Variants in HDAC9 observed in about 807,000 individuals in gnomAD.
The protein encoded by HDAC9 is histone deacetylase 9.
HDAC9 carries 41 observed loss-of-function variants against 139.4 expected under a neutral mutation model. The ratio of observed to expected loss-of-function variants is 0.29; its 90% CI spans 0.23 to 0.38. The LOEUF (loss-of-function observed/expected upper bound fraction) is 0.38. Ranked by LOEUF, HDAC9 falls within the 10% of genes least tolerant of loss-of-function variation. HDAC9 has a pLI of 1.00. For missense variants in HDAC9, 1,147 were observed against 1,297.0 expected (o/e 0.88, Z 1.78); for synonymous variants, 517 against 476.2 (o/e 1.09, Z -1.12).
chr7:18,877,483 C>T (rs916132003), intron 22 of HDAC9, among the ~76,000 whole-genome samples: 8 of 152,084 alleles, frequency 5.3e-5, no homozygotes, highest in East Asian at 1.9e-4. Context: ...TTCTTCTCCC[C>T]GTGTTTTCCA....
At position 18,717,493 on chromosome 7, in the gene HDAC9, G is replaced by A. The variant is rs553136975; in HGVS notation, c.1732-10087G>A. ...GTTGCCCAGGCTGGAGTACAGTGGC[G>A]CGATCTCAGCTCACTGCAACCTCCG... On this transcript the variant is annotated intron_variant, in intron 12 of 25. Transcript: ENST00000686413. Among the ~76,000 whole-genome samples the A allele has an allele frequency of 2.0e-5, 3 of 149,212 alleles. No individual in the cohort carries two copies. The East Asian group carries it at 5.9e-4, about 29-fold the overall frequency.
chr7:18,096,747 T>C (rs1782528295), intron 1 of HDAC9, among the ~76,000 whole-genome samples: 1 of 152,234 alleles, frequency 6.6e-6, no homozygotes, highest in Non-Finnish European at 1.5e-5. Flanking sequence ...TATATTGTTA[T>C]TTCCTATTGC....
At chr7:18,511,203 T>C (rs1801401787) in intron 2 of HDAC9, among the ~76,000 whole-genome samples, 1 of 152,164 alleles carries the variant, frequency 6.6e-6, no homozygotes. Context: ...AACCTAACTT[T>C]TATATTGTAA....
intron 1 of HDAC9, among the ~76,000 whole-genome samples, chr7:18,434,763 G>GA: frequency 6.6e-6 from 1 of 152,222 alleles, no homozygotes; most frequent in Admixed American, 6.5e-5. Context: ...AGACTGTGGA[G>GA]AAAAAGGAAC....
At chr7:18,687,359 A>G (rs1477346313) in intron 12 of HDAC9, among the ~76,000 whole-genome samples, 4 of 151,826 alleles carry the variant, frequency 2.6e-5, no homozygotes, top group African/African-American at 4.8e-5. Context: ...TTGCAAAACC[A>G]CAAACTAGTT....
upstream of HDAC9, among the ~76,000 whole-genome samples, chr7:18,286,356 G>A (rs560271519): frequency 6.7e-6 from 1 of 150,174 alleles, no homozygotes; most frequent in South Asian, 2.1e-4. Context: ...TTTCTAAATT[G>A]TGAAAATTCA....
chr7:18,284,719 G>A (rs1267747186), intron 2 of HDAC9, among the ~76,000 whole-genome samples: 2 of 152,052 alleles, frequency 1.3e-5, no homozygotes, highest in African/African-American at 2.4e-5. Flanking sequence ...GTTGTTGTGA[G>A]AACTAAAAGA....
At chr7:18,326,621 A>G (rs1192649915) in intron 1 of HDAC9, among the ~76,000 whole-genome samples, 5 of 152,038 alleles carry the variant, frequency 3.3e-5, no homozygotes, top group African/African-American at 1.2e-4. Context: ...TACATGCTCC[A>G]TCTATAACTG....
intron 17 of HDAC9, among the ~76,000 whole-genome samples, chr7:18,816,708 T>TATTC (rs140812185): frequency 0.015 from 2,252 of 152,296 alleles, 52 homozygotes; most frequent in African/African-American, 0.05. Context: ...GGGAAGGCAG[T>TATTC]ATTCATTCAT....
At chr7:18,426,931 C>T (rs1432198919) in intron 1 of HDAC9, among the ~76,000 whole-genome samples, 4 of 152,164 alleles carry the variant, frequency 2.6e-5, no homozygotes, top group Non-Finnish European at 5.9e-5. Flanking sequence ...TTAACAATAG[C>T]ACTTTCAGGG....
intron 25 of HDAC9, among the ~76,000 whole-genome samples, chr7:18,988,579 C>T (rs1284177217): frequency 6.6e-6 from 1 of 152,050 alleles, no homozygotes; most frequent in African/African-American, 2.4e-5. Context: ...TCTATCAGGT[C>T]CGCTTGGTGC....
intron 12 of HDAC9, among the ~76,000 whole-genome samples, chr7:18,686,084 C>G (rs1038115980): frequency 6.6e-6 from 1 of 151,940 alleles, no homozygotes; most frequent in African/African-American, 2.4e-5. Context: ...AGCTCAGATT[C>G]CATCCCTGAT....
chr7:18,460,788 CA>C (rs750144894), intron 1 of HDAC9, among the ~76,000 whole-genome samples: 609 of 45,328 alleles, frequency 0.013, 1 homozygote, highest in Middle Eastern at 0.031. Context: ...AACTCTGTCT[CA>C]AAAAAAAAAA....
intron 2 of HDAC9, chr7:18,509,234 A>G (rs1479335794): frequency 6.1e-6 from 6 of 981,774 alleles, no homozygotes; most frequent in Middle Eastern, 1.0e-3. Flanking sequence ...TCAAAGCACA[A>G]TTAGAATAGA....
intron 12 of HDAC9, among the ~76,000 whole-genome samples, chr7:18,680,311 G>A (rs1781804996): frequency 6.6e-6 from 1 of 151,904 alleles, no homozygotes; most frequent in Middle Eastern, 3.2e-3. Context: ...TGCGTAATGA[G>A]GAGGAAGAAA....
chr7:18,640,409 A>G (rs1026052554), intron 8 of HDAC9, among the ~76,000 whole-genome samples: 4 of 150,900 alleles, frequency 2.7e-5, no homozygotes, highest in Non-Finnish European at 5.9e-5. Context: ...AATTATTTAC[A>G]TAACTAGTAT....
At chr7:18,434,814 T>C (rs1300318752) in intron 1 of HDAC9, among the ~76,000 whole-genome samples, 1 of 152,098 alleles carries the variant, frequency 6.6e-6, no homozygotes, top group African/African-American at 2.4e-5. Context: ...AGTCCAGCCA[T>C]TGTCAAAAGC....
At position 18,641,628 on chromosome 7, in the gene HDAC9, A is replaced by G. The variant is rs908090370; in HGVS notation, c.913-3043A>G. ...TTTTCAGATTAAAACCGTCATTTCC[A>G]TGTTCTAAACTGCAAAGTATTGGCA... On this transcript the variant is annotated intron_variant, in intron 8 of 25. Transcript: ENST00000686413. Among the ~76,000 whole-genome samples the G allele has an allele frequency of 6.6e-5, 10 of 152,104 alleles. No homozygotes were observed. The East Asian group carries it at 1.9e-3, about 29-fold the overall frequency.
At chr7:18,269,710 AG>A (rs1314188264) in intron 2 of HDAC9, among the ~76,000 whole-genome samples, 1 of 152,112 alleles carries the variant, frequency 6.6e-6, no homozygotes, top group Non-Finnish European at 1.5e-5. Flanking sequence ...CAACAGAGGG[AG>A]ACCTTGTCTA....
Sources: allele counts gnomAD v4.1 joint callset (sites outside exome capture counted in the v4.1 genomes callset), GRCh38; gene constraint gnomAD v4.1.1; transcripts MANE v1.5; gene names NCBI Gene and HGNC (gene_info 2026-07-23, HGNC 2026-07-21).